FHIT: variants seen among roughly 807,000 people sequenced by gnomAD.
The protein encoded by FHIT is fragile histidine triad diadenosine triphosphatase.
In FHIT, 19 loss-of-function variants were observed where a neutral mutation model predicts 17.9. The ratio of observed to expected loss-of-function variants is 1.06; its 90% CI spans 0.74 to 1.56. The LOEUF (loss-of-function observed/expected upper bound fraction) is 1.56. Ranked by LOEUF, FHIT falls within the 40% of genes most tolerant of loss-of-function variation. The pLI, the probability that FHIT is intolerant of heterozygous loss-of-function variation, is 0.00. For missense variants in FHIT, 248 were observed against 189.2 expected (o/e 1.31, Z -1.82); for synonymous variants, 81 against 69.7 (o/e 1.16, Z -0.81).
intron 5 of FHIT, among the ~76,000 whole-genome samples, chr3:60,362,926 A>T (rs980908795): frequency 2.6e-5 from 4 of 152,212 alleles, no homozygotes; most frequent in Admixed American, 2.0e-4. Flanking sequence ...GACCATAAGC[A>T]GCAGAGAACT....
intron 5 of FHIT, among the ~76,000 whole-genome samples, chr3:60,502,812 A>G (rs1025429400): frequency 6.6e-6 from 1 of 152,192 alleles, no homozygotes; most frequent in Non-Finnish European, 1.5e-5. Context: ...TGAAGTATAT[A>G]TCAAAAATGC....
At chr3:60,682,838 C>A (rs911861481) in intron 4 of FHIT, among the ~76,000 whole-genome samples, 5 of 152,092 alleles carry the variant, frequency 3.3e-5, no homozygotes, top group African/African-American at 9.7e-5. Context: ...AAAATGAAAA[C>A]CTTCTGGAAA....
intron 5 of FHIT, among the ~76,000 whole-genome samples, chr3:60,456,720 T>G (rs1346127637): frequency 6.6e-6 from 1 of 152,176 alleles, no homozygotes; most frequent in Non-Finnish European, 1.5e-5. Context: ...AGATCATGTG[T>G]GTGTTGACAT....
chr3:59,857,182 G>A (rs753751087), intron 8 of FHIT, among the ~76,000 whole-genome samples: 1 of 152,126 alleles, frequency 6.6e-6, no homozygotes, highest in African/African-American at 2.4e-5. Flanking sequence ...TTTTCAAGTT[G>A]GGGTTTGATT....
intron 5 of FHIT, among the ~76,000 whole-genome samples, chr3:60,143,144 A>T (rs191319449): frequency 9.0e-4 from 137 of 152,294 alleles, no homozygotes; most frequent in African/African-American, 3.2e-3. Context: ...GGCCGAGAAC[A>T]TAAGGAACTA....
At chr3:60,253,112 A>C (rs1285155151) in intron 5 of FHIT, among the ~76,000 whole-genome samples, 1 of 152,200 alleles carries the variant, frequency 6.6e-6, no homozygotes, top group Admixed American at 6.5e-5. Flanking sequence ...AGAACACTGA[A>C]GTATTCATTG....
chr3:60,234,700 G>T (rs1038994750), intron 5 of FHIT, among the ~76,000 whole-genome samples: 2 of 152,040 alleles, frequency 1.3e-5, no homozygotes, highest in African/African-American at 4.8e-5. Flanking sequence ...TTTTCCCATT[G>T]ACCTATAGGG....
chr3:60,992,096 T>A (rs1045903165), intron 3 of FHIT, among the ~76,000 whole-genome samples: 3 of 152,174 alleles, frequency 2.0e-5, no homozygotes, highest in Non-Finnish European at 4.4e-5. Flanking sequence ...CTCACAAATA[T>A]GTTGATTGAG....
chr3:59,979,636 T>C (rs1559516604), intron 7 of FHIT, among the ~76,000 whole-genome samples: 1 of 152,122 alleles, frequency 6.6e-6, no homozygotes, highest in Non-Finnish European at 1.5e-5. Flanking sequence ...GTGTACGCTG[T>C]CATGGAACAT....
At position 60,860,865 on chromosome 3, in the gene FHIT, C is replaced by G. The variant is rs1474633616; in HGVS notation, c.-110-38854G>C. On this transcript the variant is annotated intron_variant, in intron 3 of 9. Coordinates refer to ENST00000492590, the MANE Select transcript of FHIT (RefSeq NM_002012.4). Reference sequence around the variant, plus strand: ...TATCAGGTATATATGAACATATGTACATATATATCATGTATATATGAACAT... The same window carrying G: ...TATCAGGTATATATGAACATATGTAGATATATATCATGTATATATGAACAT... 3.4e-5 allele frequency among the ~76,000 whole-genome samples: 3 copies of G among 88,964 alleles called. 1 individual carries two copies. Among genetic ancestry groups the G allele is most frequent in the Non-Finnish European group, 2.3e-5 (1 of 43,728 alleles). 58.4% of individuals were successfully genotyped at this position (88,964 alleles called of 152,430 possible).
chr3:59,948,023 C>G (rs1046377390), intron 7 of FHIT, among the ~76,000 whole-genome samples: 1 of 151,942 alleles, frequency 6.6e-6, no homozygotes, highest in Non-Finnish European at 1.5e-5. Context: ...TATAGATGTA[C>G]CACTGTTTGT....
intron 8 of FHIT, among the ~76,000 whole-genome samples, chr3:59,785,314 T>C (rs1702792050): frequency 5.7e-5 from 1 of 17,482 alleles, no homozygotes. Context: ...AATCTTGCCT[T>C]TTTTTTTTTT....
chr3:60,286,100 A>G (rs1023441504), intron 5 of FHIT, among the ~76,000 whole-genome samples: 1 of 152,138 alleles, frequency 6.6e-6, no homozygotes, highest in Non-Finnish European at 1.5e-5. Flanking sequence ...CTCCACCTGC[A>G]CTGAGTGCAT....
chr3:60,869,021 C>A (rs1463035902), intron 3 of FHIT, among the ~76,000 whole-genome samples: 1 of 152,158 alleles, frequency 6.6e-6, no homozygotes, highest in East Asian at 1.9e-4. Flanking sequence ...GAAGGGATTT[C>A]CCAGCTTAAC....
intron 5 of FHIT, among the ~76,000 whole-genome samples, chr3:60,228,271 G>A (rs1704310886): frequency 6.6e-6 from 1 of 152,124 alleles, no homozygotes; most frequent in Non-Finnish European, 1.5e-5. Flanking sequence ...CACAGACACA[G>A]AGCAAAGAAA....
At chr3:60,703,424 A>G (rs1577088155) in intron 4 of FHIT, among the ~76,000 whole-genome samples, 2 of 152,352 alleles carry the variant, frequency 1.3e-5, no homozygotes, top group East Asian at 3.9e-4. Flanking sequence ...AACAAAGCAT[A>G]TGTTGTATAA....
intron 8 of FHIT, among the ~76,000 whole-genome samples, chr3:59,756,457 C>T (rs1411139711): frequency 6.6e-6 from 1 of 151,612 alleles, no homozygotes; most frequent in East Asian, 1.9e-4. Flanking sequence ...TAGTCAATAC[C>T]CCAGGAGTAT....
intron 2 of FHIT, among the ~76,000 whole-genome samples, chr3:61,047,123 C>T (rs1431156938): frequency 6.6e-6 from 1 of 151,970 alleles, no homozygotes; most frequent in Non-Finnish European, 1.5e-5. Context: ...GTTGGAAGTT[C>T]TGGCCAGGGC....
intron 5 of FHIT, among the ~76,000 whole-genome samples, chr3:60,140,654 C>G (rs138507143): frequency 4.0e-5 from 6 of 151,180 alleles, no homozygotes; most frequent in Non-Finnish European, 8.8e-5. Context: ...TCTCAGCTCA[C>G]CGCAACCTCC....
Sources: allele counts gnomAD v4.1 joint callset (sites outside exome capture counted in the v4.1 genomes callset), GRCh38; gene constraint gnomAD v4.1.1; transcripts MANE v1.5; gene names NCBI Gene and HGNC (gene_info 2026-07-23, HGNC 2026-07-21).